TAF1: variants seen among roughly 807,000 people sequenced by gnomAD.
The protein encoded by TAF1 is TATA-box binding protein associated factor 1.
A neutral mutation model predicts 138.5 loss-of-function variants in TAF1; 2 were observed. The ratio of observed to expected loss-of-function variants is 0.01; its 90% CI spans 0.01 to 0.05. The LOEUF (loss-of-function observed/expected upper bound fraction) is 0.05, where lower values mean the gene tolerates loss of function less well. Ranked by LOEUF, TAF1 falls within the 10% of genes least tolerant of loss-of-function variation. TAF1 has a pLI of 1.00. For synonymous variants in TAF1, 437 were observed against 503.2 expected, an observed-to-expected ratio of 0.87 and a Z score of 1.76; for missense variants, 709 against 1,478.0, an observed-to-expected ratio of 0.48 and a Z score of 8.53.
intron 32 of TAF1, among the ~76,000 whole-genome samples, chrX:71,439,502 A>G (rs949190100): frequency 1.7e-4 from 19 of 111,719 alleles, no homozygotes; most frequent in Non-Finnish European, 3.0e-4. Flanking sequence ...ATCTAGAAAT[A>G]CATAAAATTA....
intron 34 of TAF1, among the ~76,000 whole-genome samples, chrX:71,456,254 C>T (rs2038274812): frequency 8.9e-6 from 1 of 112,073 alleles, no homozygotes; most frequent in South Asian, 3.7e-4. Flanking sequence ...AAGTCACCTT[C>T]CTTTCTTCAC....
At position 71,478,731 on chromosome X, in the gene TAF1, A is replaced by G. The variant is rs1012462974; in HGVS notation, c.1366+17928A>G. ...AATTCTGAAAAAAAATATGTAAGACAATATATCGGTAAGAAAAAGACAAGC... is the reference window on the plus strand; with the variant it reads ...AATTCTGAAAAAAAATATGTAAGACGATATATCGGTAAGAAAAAGACAAGC... On this transcript the variant is annotated intron_variant and NMD_transcript_variant, in intron 13 of 14. Coordinates refer to the TAF1 transcript ENST00000373775. Among the ~76,000 whole-genome samples the G allele has an allele frequency of 2.7e-5, 3 of 112,262 alleles. 1 individual carries two copies. Among genetic ancestry groups the G allele is most frequent in the Non-Finnish European group, 5.6e-5 (3 of 53,284 alleles).
At chrX:71,394,331 T>C in intron 22 of TAF1, 86 bp downstream of exon 22, 6,385 of 671,710 alleles carry the variant, frequency 9.5e-3, no homozygotes, top group Non-Finnish European at 0.013. Context: ...TTGAGGGAGA[T>C]CTGGAGGCAG....
At chrX:71,530,405 G>A (rs2040080686), downstream of TAF1, 1 of 110,316 alleles carries the variant, frequency 9.1e-6, no homozygotes, top group African/African-American at 3.3e-5. Flanking sequence ...GACCTTCACG[G>A]TGAGTGTTAC....
At chrX:71,406,519 CT>C in intron 25 of TAF1, 118 bp from the exon 26 acceptor site, 9 of 696,508 alleles carry the variant, frequency 1.3e-5, no homozygotes, top group Non-Finnish European at 1.9e-5. Flanking sequence ...TTTGGTTTGG[CT>C]TTTTCCTCGC....
chrX:71,420,862 G>T (rs1446291383), intron 28 of TAF1, among the ~76,000 whole-genome samples: 1 of 112,314 alleles, frequency 8.9e-6, no homozygotes, highest in African/African-American at 3.2e-5. Flanking sequence ...GGCCGTTCCC[G>T]TAGTCCCCTA....
intron 28 of TAF1, among the ~76,000 whole-genome samples, chrX:71,412,733 G>A (rs1305935217): frequency 2.7e-5 from 3 of 111,496 alleles, no homozygotes; most frequent in Non-Finnish European, 3.8e-5. Flanking sequence ...GGCTATAGGC[G>A]CGTGCCACCC....
At chrX:71,398,764 C>CTA in intron 24 of TAF1, 27 bp downstream of exon 24, 1 of 1,167,376 alleles carries the variant, frequency 8.6e-7, no homozygotes, top group Non-Finnish European at 1.1e-6. Flanking sequence ...GTGATTACAG[C>CTA]TAACGGAGCA....
At chrX:71,433,134 A>G (rs1176862821) in intron 32 of TAF1, among the ~76,000 whole-genome samples, 3 of 112,469 alleles carry the variant, frequency 2.7e-5, no homozygotes, top group Non-Finnish European at 5.6e-5. Context: ...CAAGGCTGTG[A>G]TAAGAAAGTA....
Position 71,499,737 on chromosome X carries a change from G to C in TAF1, c.1367-28805G>C, listed in dbSNP as rs762616882. On this transcript the variant is annotated intron_variant and NMD_transcript_variant, in intron 13 of 14. Coordinates refer to the TAF1 transcript ENST00000373775. ...TGGTAGGGAATTTGTCCCTTTCTTCGGCTGTCATTCTATCATTCACTTGAC... is the reference window on the plus strand; with the variant it reads ...TGGTAGGGAATTTGTCCCTTTCTTCCGCTGTCATTCTATCATTCACTTGAC... Among the ~76,000 whole-genome samples, 10 of 110,939 alleles carry C rather than the reference G, an allele frequency of 9.0e-5. No individual in the cohort carries two copies. The East Asian group carries it at 2.8e-3, about 31-fold the overall frequency.
intron 13 of TAF1, among the ~76,000 whole-genome samples, chrX:71,504,020 G>T (rs751240296): frequency 2.7e-4 from 30 of 110,887 alleles, no homozygotes; most frequent in Non-Finnish European, 4.7e-4. Context: ...GATTATCCTT[G>T]ATAATCTGGG....
At chrX:71,454,274 C>A (rs1183908177) in intron 33 of TAF1, 37 bp downstream of exon 33, 2 of 1,124,633 alleles carry the variant, frequency 1.8e-6, no homozygotes, top group South Asian at 3.7e-5. Context: ...GCCTGGGCAA[C>A]ATAAGGAGAC....
At chrX:71,379,687 C>T (rs1320601818) in intron 8 of TAF1, among the ~76,000 whole-genome samples, 1 of 103,858 alleles carries the variant, frequency 9.6e-6, no homozygotes, top group African/African-American at 3.5e-5. Flanking sequence ...ACTGCAATCT[C>T]TCCCTCCTGG....
intron 32 of TAF1, among the ~76,000 whole-genome samples, chrX:71,431,833 T>A (rs193300617): frequency 2.7e-4 from 29 of 109,179 alleles, no homozygotes; most frequent in East Asian, 2.3e-3. Flanking sequence ...GGAGAATCAC[T>A]TGAATCCGGG....
At chrX:71,388,660 G>T in intron 16 of TAF1, 78 bp from the exon 17 acceptor site, 1 of 1,181,163 alleles carries the variant, frequency 8.5e-7, no homozygotes, top group South Asian at 1.8e-5. Flanking sequence ...TTGGTTTGCT[G>T]TCCCTGTTGC....
chrX:71,471,346 TACACACACACACACAC>T (rs1189459686), intron 13 of TAF1, among the ~76,000 whole-genome samples: 1 of 95,674 alleles, frequency 1.0e-5, no homozygotes, highest in Non-Finnish European at 2.1e-5. Context: ...TATATATATA[TACACACACACACACAC>T]ACACACACAC....
rs1352994636 is a variant in TAF1, at chrX:71,411,943, G to A, written c.4384+3792G>A. ...CGGCTAATTTTGTATTTTTAGTAGA[G>A]ACGGGGTTTCTCCATGTTGTTGGGC... On this transcript the variant is annotated intron_variant, in intron 28 of 37. Coordinates refer to ENST00000423759, the MANE Select transcript of TAF1 (RefSeq NM_004606.5). Among the ~76,000 whole-genome samples the A allele has an allele frequency of 2.7e-5, 3 of 111,214 alleles. No individual in the cohort carries two copies. The Admixed American group carries it at 2.9e-4, about 11-fold the overall frequency.
chrX:71,438,067 C>A (rs2037234715), intron 32 of TAF1, among the ~76,000 whole-genome samples: 1 of 110,003 alleles, frequency 9.1e-6, no homozygotes, highest in African/African-American at 3.3e-5. Context: ...AACTCCTGAC[C>A]TCAGGTGATC....
At chrX:71,518,789 G>A (rs1191812842) in intron 13 of TAF1, among the ~76,000 whole-genome samples, 4 of 96,835 alleles carry the variant, frequency 4.1e-5, no homozygotes, top group Non-Finnish European at 8.2e-5. Flanking sequence ...TTCGCCTCCC[G>A]GGTTCAAACA....
Sources: gnomAD v4.1 joint callset for allele counts (sites outside exome capture counted in the v4.1 genomes callset) on GRCh38, gnomAD v4.1.1 for gene constraint, MANE v1.5 for transcripts, NCBI Gene and HGNC (gene_info 2026-07-23, HGNC 2026-07-21) for gene names.